The following HMGB1 variants were observed in gnomAD, a reference collection of about 807,000 sequenced individuals.
HMGB1 encodes the protein high mobility group box 1, also known as high mobility group protein B1.
For missense variants in HMGB1, 79 were observed against 253.5 expected, an observed-to-expected ratio of 0.31 and a Z score of 4.67; for synonymous variants, 81 against 84.0, an observed-to-expected ratio of 0.96 and a Z score of 0.19.
At chr13:30,582,810 C>T (rs975027253) in intron 1 of HMGB1, among the ~76,000 whole-genome samples, 1 of 152,188 alleles carries the variant, frequency 6.6e-6, no homozygotes, top group African/African-American at 2.4e-5. Flanking sequence ...ATTCCATTTC[C>T]CTTACATCCC....
intron 1 of HMGB1, among the ~76,000 whole-genome samples, chr13:30,483,365 T>C (rs900417042): frequency 2.0e-5 from 3 of 151,848 alleles, no homozygotes; most frequent in Non-Finnish European, 4.4e-5. Flanking sequence ...CTCCTTTCCC[T>C]CACTCCCCGC....
chr13:30,604,034 C>T (rs560958554), intron 1 of HMGB1, among the ~76,000 whole-genome samples: 1 of 151,864 alleles, frequency 6.6e-6, no homozygotes, highest in East Asian at 1.9e-4. Flanking sequence ...ACAAACAGAA[C>T]ATGTAAAGCG....
intron 1 of HMGB1, among the ~76,000 whole-genome samples, chr13:30,596,263 A>G (rs1456885451): frequency 6.6e-6 from 1 of 152,210 alleles, no homozygotes; most frequent in Non-Finnish European, 1.5e-5. Flanking sequence ...AGTCACAAGT[A>G]ATTGTTTGGT....
intron 1 of HMGB1, among the ~76,000 whole-genome samples, chr13:30,506,434 C>A (rs1266934148): frequency 6.6e-6 from 1 of 152,166 alleles, no homozygotes; most frequent in African/African-American, 2.4e-5. Context: ...GATGACTGAG[C>A]CAACATTTAT....
intron 1 of HMGB1, among the ~76,000 whole-genome samples, chr13:30,482,743 A>AT (rs1232035674): frequency 2.6e-5 from 4 of 151,766 alleles, no homozygotes; most frequent in African/African-American, 9.7e-5. Flanking sequence ...TTTGCGGGAA[A>AT]TAAAAAAAAT....
intron 1 of HMGB1, among the ~76,000 whole-genome samples, chr13:30,488,053 T>C (rs7330209): frequency 0.36 from 54,688 of 152,098 alleles, 11,164 homozygotes; most frequent in Middle Eastern, 0.53. Context: ...AAAGAAACAA[T>C]TTTTTTCTAA....
intron 1 of HMGB1, among the ~76,000 whole-genome samples, chr13:30,611,517 A>G (rs1039109848): frequency 6.6e-6 from 1 of 152,072 alleles, no homozygotes. Context: ...CTTGTGCTCT[A>G]TTTTTCTTTG....
chr13:30,612,604 CTAAAT>C (rs1388456711), intron 1 of HMGB1, among the ~76,000 whole-genome samples: 1 of 152,204 alleles, frequency 6.6e-6, no homozygotes, highest in Non-Finnish European at 1.5e-5. Context: ...AATTTCCTGG[CTAAAT>C]TAAATGATGG....
intron 1 of HMGB1, among the ~76,000 whole-genome samples, chr13:30,577,515 A>T (rs1002482332): frequency 2.0e-5 from 3 of 152,030 alleles, no homozygotes; most frequent in African/African-American, 7.2e-5. Flanking sequence ...CTCATCAGTG[A>T]CCTTCTCTCT....
chr13:30,483,770 C>T (rs1336332322), intron 1 of HMGB1, among the ~76,000 whole-genome samples: 1 of 152,016 alleles, frequency 6.6e-6, no homozygotes, highest in Non-Finnish European at 1.5e-5. Flanking sequence ...CGCACCACCA[C>T]ACCCAACTAA....
At chr13:30,577,256 C>A (rs1202347333) in intron 1 of HMGB1, among the ~76,000 whole-genome samples, 1 of 150,774 alleles carries the variant, frequency 6.6e-6, no homozygotes, top group East Asian at 2.0e-4. Flanking sequence ...AGGAGGATGG[C>A]TTGAGCCCAG....
chr13:30,549,744 T>C lies in HMGB1; in HGVS notation c.-15+66927A>G, dbSNP rs76762164. 2.0e-4 allele frequency among the ~76,000 whole-genome samples: 29 copies of C among 148,546 alleles called. No homozygotes were observed. The East Asian group carries it at 4.6e-3, about 24-fold the overall frequency. On this transcript the variant is annotated intron_variant, in intron 1 of 4. Coordinates refer to the HMGB1 transcript ENST00000405805. Reference sequence around the variant, plus strand: ...TTTTTTGAGATGGAGTCTTGCTCCATCTCAGCCTGCACGCCAGGCTGGAAT... The same window carrying C: ...TTTTTTGAGATGGAGTCTTGCTCCACCTCAGCCTGCACGCCAGGCTGGAAT...
At chr13:30,472,125 A>G (rs905497670) in intron 1 of HMGB1, among the ~76,000 whole-genome samples, 5 of 152,156 alleles carry the variant, frequency 3.3e-5, no homozygotes, top group Non-Finnish European at 7.3e-5. Context: ...TAAAAAGACC[A>G]AAATGAGTCC....
At chr13:30,600,455 G>A (rs770302034) in intron 1 of HMGB1, among the ~76,000 whole-genome samples, 31 of 152,260 alleles carry the variant, frequency 2.0e-4, no homozygotes, top group Admixed American at 1.6e-3. Context: ...AAAGCAACCC[G>A]AGAACAGTAA....
chr13:30,489,895 C>T (rs1451216244), intron 1 of HMGB1, among the ~76,000 whole-genome samples: 7 of 151,768 alleles, frequency 4.6e-5, no homozygotes, highest in Non-Finnish European at 8.8e-5. Flanking sequence ...CCACCATGCC[C>T]GGCTAATTTT....
At chr13:30,471,187 G>A (rs1886917242) in intron 1 of HMGB1, among the ~76,000 whole-genome samples, 1 of 151,520 alleles carries the variant, frequency 6.6e-6, no homozygotes, top group Admixed American at 6.6e-5. Context: ...GGACAGGCCG[G>A]TCTTGAACTC....
chr13:30,568,366 G>C (rs1314748878), intron 1 of HMGB1, among the ~76,000 whole-genome samples: 1 of 152,132 alleles, frequency 6.6e-6, no homozygotes, highest in Non-Finnish European at 1.5e-5. Flanking sequence ...AATTAGCTAG[G>C]TGTGGTGGCA....
intron 1 of HMGB1, among the ~76,000 whole-genome samples, chr13:30,508,807 A>G (rs950033495): frequency 4.6e-5 from 7 of 152,204 alleles, no homozygotes; most frequent in African/African-American, 1.7e-4. Context: ...TTAATCATTC[A>G]TTAGCTGTGC....
chr13:30,532,908 G>T (rs563625984), intron 1 of HMGB1, among the ~76,000 whole-genome samples: 1 of 152,254 alleles, frequency 6.6e-6, no homozygotes, highest in Admixed American at 6.5e-5. Flanking sequence ...GCTCCTAGAA[G>T]TAGAATACAG....
Sources: allele counts gnomAD v4.1 joint callset (sites outside exome capture counted in the v4.1 genomes callset), GRCh38; gene constraint gnomAD v4.1.1; transcripts MANE v1.5; gene names NCBI Gene and HGNC (gene_info 2026-07-23, HGNC 2026-07-21).